UHRF2: variants seen among roughly 807,000 people sequenced by gnomAD.
UHRF2 encodes E3 ubiquitin-protein ligase UHRF2.
UHRF2 carries 23 observed loss-of-function variants against 96.8 expected under a neutral mutation model. The observed-to-expected ratio is 0.24, with a 90% CI of 0.17 to 0.34. The LOEUF is 0.34. UHRF2 is among the 10% of genes least tolerant of loss of function. The pLI is 1.00. For synonymous variants in UHRF2, 385 were observed against 332.6 expected (o/e 1.16, Z -1.72); for missense variants, 685 against 981.5 (o/e 0.70, Z 4.04).
At chr9:6,492,075 T>C (rs1360038534) in intron 9 of UHRF2, among the ~76,000 whole-genome samples, 2 of 152,062 alleles carry the variant, frequency 1.3e-5, no homozygotes, top group African/African-American at 4.8e-5. Context: ...GTTTGAGCTC[T>C]TACAGTCTTG....
At chr9:6,457,465 G>A (rs944516833) in intron 3 of UHRF2, among the ~76,000 whole-genome samples, 3 of 152,104 alleles carry the variant, frequency 2.0e-5, no homozygotes, top group Non-Finnish European at 2.9e-5. Context: ...GGGACAATTT[G>A]ACCTCCTCTT....
At chr9:6,428,154 G>A (rs891815066) in intron 2 of UHRF2, among the ~76,000 whole-genome samples, 1 of 152,130 alleles carries the variant, frequency 6.6e-6, no homozygotes, top group African/African-American at 2.4e-5. Flanking sequence ...GAAAGTACTG[G>A]AAAGAGGAGA....
chr9:6,453,684 C>G (rs959079402), intron 3 of UHRF2, among the ~76,000 whole-genome samples: 1 of 152,132 alleles, frequency 6.6e-6, no homozygotes, highest in Non-Finnish European at 1.5e-5. Context: ...GCGGGCAGAT[C>G]ACGGGGTCAG....
chr9:6,453,948 C>T (rs1319240689), intron 3 of UHRF2, among the ~76,000 whole-genome samples: 1 of 152,002 alleles, frequency 6.6e-6, no homozygotes, highest in South Asian at 2.1e-4. Context: ...AAGAGTAGAA[C>T]TATAGACATA....
At chr9:6,485,140 C>G (rs7872736) in intron 8 of UHRF2, among the ~76,000 whole-genome samples, 2,434 of 152,130 alleles carry the variant, frequency 0.016, 76 homozygotes, top group African/African-American at 0.054. Flanking sequence ...TTAATACTCT[C>G]TGTGTTCTCT....
chr9:6,433,243 G>C (rs1337205312), intron 2 of UHRF2, among the ~76,000 whole-genome samples: 1 of 152,080 alleles, frequency 6.6e-6, no homozygotes, highest in Non-Finnish European at 1.5e-5. Context: ...CCTTTTGTCA[G>C]ATTGCATGGG....
At chr9:6,498,976 T>G (rs1017431424) in intron 12 of UHRF2, 2 of 152,258 alleles carry the variant, frequency 1.3e-5, no homozygotes, top group Admixed American at 6.5e-5. Context: ...GTTGTCTTTT[T>G]AAACTCATAG....
intron 2 of UHRF2, among the ~76,000 whole-genome samples, chr9:6,424,940 A>G (rs1043604718): frequency 6.6e-6 from 1 of 152,124 alleles, no homozygotes; most frequent in Admixed American, 6.6e-5. Flanking sequence ...TAGGGCACAT[A>G]CTATCAGTAT....
chr9:6,421,651 A>G (rs994180014), intron 2 of UHRF2, among the ~76,000 whole-genome samples: 12 of 152,016 alleles, frequency 7.9e-5, no homozygotes, highest in African/African-American at 2.9e-4. Flanking sequence ...TCCTGACCTC[A>G]GGTGGTCCGC....
intron 3 of UHRF2, among the ~76,000 whole-genome samples, chr9:6,451,269 G>A (rs1821844425): frequency 6.6e-6 from 1 of 152,152 alleles, no homozygotes; most frequent in South Asian, 2.1e-4. Context: ...TATCCTGGTG[G>A]TGTTAGGCTA....
intron 9 of UHRF2, among the ~76,000 whole-genome samples, chr9:6,490,060 A>G (rs1045449641): frequency 6.6e-6 from 1 of 152,176 alleles, no homozygotes; most frequent in East Asian, 1.9e-4. Context: ...CAGCTCTTGG[A>G]ATTTTTTGAA....
chr9:6,440,532 A>G (rs1262540182), intron 3 of UHRF2, among the ~76,000 whole-genome samples: 2 of 152,184 alleles, frequency 1.3e-5, no homozygotes, highest in African/African-American at 4.8e-5. Context: ...TCAACATTTT[A>G]TATAAATATT....
At chr9:6,415,088 T>C (rs984235505) in intron 1 of UHRF2, 1 of 152,220 alleles carries the variant, frequency 6.6e-6, no homozygotes, top group Non-Finnish European at 1.5e-5. Context: ...AGTACATGAA[T>C]TCCTAGGACA....
At chr9:6,464,998 T>G (rs1243170263) in intron 4 of UHRF2, among the ~76,000 whole-genome samples, 1 of 152,206 alleles carries the variant, frequency 6.6e-6, no homozygotes, top group East Asian at 1.9e-4. Flanking sequence ...TTCAAAATGT[T>G]TGGAATTATA....
At chr9:6,499,777 C>T (rs1407645831) in intron 12 of UHRF2, 58 bp from the exon 13 acceptor site, 13 of 1,148,284 alleles carry the variant, frequency 1.1e-5, no homozygotes, top group South Asian at 7.2e-5. Flanking sequence ...GGATCTAAAC[C>T]CCCCTTCTCT....
intron 1 of UHRF2, among the ~76,000 whole-genome samples, chr9:6,419,767 G>T (rs375870696): frequency 1.3e-5 from 2 of 152,018 alleles, no homozygotes; most frequent in African/African-American, 2.4e-5. Flanking sequence ...TTGAGACAGG[G>T]TCTCACTCTG....
chr9:6,481,839 A>G, intron 7 of UHRF2, 73 bp downstream of exon 7: 1 of 1,543,430 alleles, frequency 6.5e-7, no homozygotes, highest in South Asian at 1.2e-5. Context: ...AATAGTAGTA[A>G]TGGTATAAAA....
At chr9:6,480,628 T>C (rs1250521934) in intron 6 of UHRF2, among the ~76,000 whole-genome samples, 2 of 152,218 alleles carry the variant, frequency 1.3e-5, no homozygotes, top group Non-Finnish European at 2.9e-5. Flanking sequence ...AGAGAGATAA[T>C]ACTTGCTTTA....
intron 9 of UHRF2, among the ~76,000 whole-genome samples, chr9:6,489,730 T>G (rs1485699115): frequency 5.4e-5 from 4 of 74,378 alleles, no homozygotes; most frequent in African/African-American, 2.0e-4. Flanking sequence ...GGGTTTTTGT[T>G]TTTTTTTTTT....
Sources: allele counts gnomAD v4.1 joint callset (sites outside exome capture counted in the v4.1 genomes callset), GRCh38; gene constraint gnomAD v4.1.1; transcripts MANE v1.5; gene names NCBI Gene and HGNC (gene_info 2026-07-23, HGNC 2026-07-21).